The following RALYL variants were observed in gnomAD, a reference collection of about 807,000 sequenced individuals.
The protein encoded by RALYL is RALY RNA binding protein like.
In RALYL, 29 loss-of-function variants were observed where a neutral mutation model predicts 35.1. The observed-to-expected ratio is 0.83, with a 90% CI of 0.61 to 1.13. The LOEUF (loss-of-function observed/expected upper bound fraction) is 1.13, where lower values mean the gene tolerates loss of function less well. RALYL is among the 50% of genes most tolerant of loss of function. The probability of loss-of-function intolerance (pLI) is 0.00; values close to 1 mark genes in which losing one functional copy is unlikely to be tolerated. For missense variants in RALYL, 359 were observed against 360.4 expected, an observed-to-expected ratio of 1.00 and a Z score of 0.03; for synonymous variants, 120 against 127.6, an observed-to-expected ratio of 0.94 and a Z score of 0.40.
chr8:84,307,623 A>G (rs1480488128), intron 1 of RALYL, among the ~76,000 whole-genome samples: 1 of 152,168 alleles, frequency 6.6e-6, no homozygotes, highest in Non-Finnish European at 1.5e-5. Context: ...TAGAACATAG[A>G]CCTTTAATAT....
chr8:84,485,623 A>G (rs1409199020), intron 1 of RALYL, among the ~76,000 whole-genome samples: 1 of 152,042 alleles, frequency 6.6e-6, no homozygotes, highest in Non-Finnish European at 1.5e-5. Context: ...CTCCAGACCT[A>G]TTTATGTTTC....
chr8:84,553,435 G>A (rs1616848), intron 2 of RALYL, among the ~76,000 whole-genome samples: 28,012 of 152,074 alleles, frequency 0.18, 3,269 homozygotes, highest in East Asian at 0.35. Flanking sequence ...GGGATTACAG[G>A]TGTGAGCCAC....
intron 8 of RALYL, among the ~76,000 whole-genome samples, chr8:84,888,565 G>A (rs1268543679): frequency 2.0e-5 from 3 of 151,992 alleles, no homozygotes; most frequent in Admixed American, 6.6e-5. Flanking sequence ...TGTTAAATTT[G>A]GCTTATCCCA....
intron 1 of RALYL, among the ~76,000 whole-genome samples, chr8:84,190,105 T>C (rs1223640873): frequency 2.6e-5 from 4 of 152,324 alleles, no homozygotes; most frequent in Middle Eastern, 3.4e-3. Context: ...TAATCTCTAC[T>C]CTTGGAGCTT....
chr8:84,214,887 A>T (rs910636823), intron 1 of RALYL, among the ~76,000 whole-genome samples: 29 of 148,366 alleles, frequency 2.0e-4, no homozygotes, highest in South Asian at 6.4e-4. Context: ...ATTAACTTTT[A>T]TTTTTTTTTT....
intron 1 of RALYL, among the ~76,000 whole-genome samples, chr8:84,255,008 A>T (rs889166810): frequency 1.3e-5 from 2 of 152,050 alleles, no homozygotes; most frequent in Admixed American, 6.6e-5. Flanking sequence ...CTCCCTTGAC[A>T]TCTGGGCATT....
chr8:84,590,188 TTTTGTAC>T (rs1326082341), intron 2 of RALYL, among the ~76,000 whole-genome samples: 2 of 151,980 alleles, frequency 1.3e-5, no homozygotes, highest in Non-Finnish European at 2.9e-5. Context: ...TCATCAGAGG[TTTTGTAC>T]TTGGGTTCCA....
At chr8:84,812,360 G>C (rs567571387) in intron 4 of RALYL, among the ~76,000 whole-genome samples, 25 of 152,222 alleles carry the variant, frequency 1.6e-4, no homozygotes, top group South Asian at 6.2e-4. Context: ...ACTCTGTCAG[G>C]GTTCTCAGCT....
At chr8:84,701,489 A>G (rs745511697) in intron 2 of RALYL, among the ~76,000 whole-genome samples, 7 of 152,200 alleles carry the variant, frequency 4.6e-5, no homozygotes, top group Non-Finnish European at 8.8e-5. Flanking sequence ...GTGTCTTGAC[A>G]AAATACTTAG....
chr8:84,643,087 G>T (rs1311569003), intron 2 of RALYL, among the ~76,000 whole-genome samples: 1 of 151,730 alleles, frequency 6.6e-6, no homozygotes, highest in African/African-American at 2.4e-5. Flanking sequence ...CACACACAAA[G>T]GTCACACACT....
chr8:84,347,392 T>A (rs887290541), intron 1 of RALYL, among the ~76,000 whole-genome samples: 1 of 152,106 alleles, frequency 6.6e-6, no homozygotes, highest in Admixed American at 6.6e-5. Flanking sequence ...ATCATTTCTA[T>A]GGTATCTCTG....
chr8:84,343,528 CT>C (rs1010318729), intron 1 of RALYL, among the ~76,000 whole-genome samples: 5 of 152,046 alleles, frequency 3.3e-5, no homozygotes, highest in Admixed American at 6.6e-5. Flanking sequence ...AATTCTACCC[CT>C]ATATAAAGTG....
chr8:84,524,386 C>G (rs987017567), intron 1 of RALYL, among the ~76,000 whole-genome samples: 1 of 152,150 alleles, frequency 6.6e-6, no homozygotes, highest in Admixed American at 6.5e-5. Context: ...AAATGCAAAT[C>G]AAAACCACAA....
intron 2 of RALYL, among the ~76,000 whole-genome samples, chr8:84,726,694 T>C (rs1845026153): frequency 6.6e-6 from 1 of 152,000 alleles, no homozygotes. Flanking sequence ...ATTTGCTATA[T>C]TTGTCCTGCT....
intron 1 of RALYL, among the ~76,000 whole-genome samples, chr8:84,375,017 T>A (rs1465396581): frequency 1.3e-5 from 2 of 151,850 alleles, no homozygotes; most frequent in East Asian, 3.9e-4. Context: ...ATTGATTCCT[T>A]TTTTGAAAAT....
intron 1 of RALYL, among the ~76,000 whole-genome samples, chr8:84,397,282 C>T (rs1296027457): frequency 1.3e-5 from 2 of 152,150 alleles, no homozygotes; most frequent in East Asian, 1.9e-4. Flanking sequence ...AGACTTCTGA[C>T]CTCCAGAACT....
In RALYL at chr8:84,634,898, C is replaced by T. The variant is rs563290040; in HGVS notation, c.256+105321C>T. ...GCTATGTTCCTTTAGGTTGATTCCACGGCATTTATTGAGTTGAAGCCTTTA... is the reference window on the plus strand; with the variant it reads ...GCTATGTTCCTTTAGGTTGATTCCATGGCATTTATTGAGTTGAAGCCTTTA... On this transcript the variant is annotated intron_variant, in intron 2 of 8. Transcript: ENST00000521268. 1.3e-3 allele frequency among the ~76,000 whole-genome samples: 193 copies of T among 151,854 alleles called. 1 individual carries two copies. The highest frequency in any genetic ancestry group is 2.1e-3 in the Non-Finnish European group (143 of 67,808).
At chr8:84,679,500 T>C (rs1435691181) in intron 2 of RALYL, 1 of 341,986 alleles carries the variant, frequency 2.9e-6, no homozygotes, top group Non-Finnish European at 5.8e-6. Flanking sequence ...CATTGAGTTA[T>C]TGGATATTAA....
At chr8:84,437,986 G>C (rs2047925152) in intron 1 of RALYL, among the ~76,000 whole-genome samples, 1 of 152,120 alleles carries the variant, frequency 6.6e-6, no homozygotes, top group Non-Finnish European at 1.5e-5. Flanking sequence ...TTATAGCAAT[G>C]CAAGAACAGC....
Sources: allele counts gnomAD v4.1 joint callset (sites outside exome capture counted in the v4.1 genomes callset), GRCh38; gene constraint gnomAD v4.1.1; transcripts MANE v1.5; gene names NCBI Gene and HGNC (gene_info 2026-07-23, HGNC 2026-07-21).